NRK: variants seen among roughly 807,000 people sequenced by gnomAD.
NRK encodes Nik related kinase, also known as nik-related protein kinase.
Under a neutral mutation model 125.2 loss-of-function variants are expected in NRK, and 67 were observed. That is an observed-to-expected ratio of 0.54 (90% CI 0.44 to 0.66). NRK has a LOEUF of 0.66. Ranked by LOEUF, NRK falls within the 30% of genes least tolerant of loss-of-function variation. The pLI is 0.00. For synonymous variants in NRK, 458 were observed against 429.0 expected (o/e 1.07, Z -0.84); for missense variants, 1,224 against 1,192.9 (o/e 1.03, Z -0.38).
At chrX:105,871,485 A>AACACAC (rs112464085) in intron 2 of NRK, among the ~76,000 whole-genome samples, 5 of 104,685 alleles carry the variant, frequency 4.8e-5, no homozygotes, top group African/African-American at 1.8e-4. Context: ...ACACCCCACC[A>AACACAC]ACACACACAC....
At chrX:105,860,645 C>T (rs1326249175) in intron 2 of NRK, among the ~76,000 whole-genome samples, 3 of 110,398 alleles carry the variant, frequency 2.7e-5, no homozygotes. Flanking sequence ...TGGAATCATA[C>T]AATGTGTGAC....
At chrX:105,911,313 G>T (rs2040298214) in intron 13 of NRK, among the ~76,000 whole-genome samples, 1 of 111,652 alleles carries the variant, frequency 9.0e-6, no homozygotes, top group Non-Finnish European at 1.9e-5. Context: ...AGAATTATGG[G>T]CTTGATAACA....
chrX:105,865,955 G>A (rs1569296015), intron 2 of NRK, among the ~76,000 whole-genome samples: 1 of 107,362 alleles, frequency 9.3e-6, no homozygotes, highest in Non-Finnish European at 1.9e-5. Context: ...GAGCACTCGA[G>A]GTGGCATAGC....
At position 105,909,430 on chromosome X, in the gene NRK, C is replaced by T; in HGVS notation, c.1789C>T (p.His597Tyr). The T allele has an allele frequency of 8.3e-7, 1 of 1,208,794 alleles. No individual in the cohort carries two copies. Reference sequence around the variant, plus strand: ...TCTGCCCCTGCTATCACAAGATCACCATGTGCTGTTGCCACTACATTTGGA... The same window carrying T: ...TCTGCCCCTGCTATCACAAGATCACTATGTGCTGTTGCCACTACATTTGGA... ...VFLPLLSQDH[H>Y]VLLPLHLDTQ... The change falls in exon 13 of 29, where the codon CAT (histidine) becomes TAT (tyrosine). Residue 597 changes from histidine (H) to tyrosine (Y), a missense_variant. Coordinates refer to ENST00000243300, the MANE Select transcript of NRK (RefSeq NM_198465.4).
At chrX:105,877,511 C>T (rs777524403) in intron 2 of NRK, among the ~76,000 whole-genome samples, 3 of 111,091 alleles carry the variant, frequency 2.7e-5, no homozygotes, top group African/African-American at 9.8e-5. Context: ...ATACAGGAAC[C>T]CCCTGTGCTA....
In NRK at chrX:105,906,593, G is replaced by C. The variant is rs767471271; in HGVS notation, c.1021+4G>C. ...ATTAAAAAAAGACAGAAAAAAGGTA[G>C]AATCTGTTAAGTTTTATTTTACTGA... On this transcript the variant is annotated splice_donor_region_variant and intron_variant, in intron 11 of 28. Coordinates refer to ENST00000243300, the MANE Select transcript of NRK (RefSeq NM_198465.4). 7 of 979,435 alleles carry C rather than the reference G, an allele frequency of 7.1e-6. No homozygotes were observed. In the Admixed American group the frequency reaches 8.7e-5, roughly 12 times the overall value. 80.7% of individuals were successfully genotyped at this position (979,435 alleles called of 1,213,427 possible). A position where few individuals can be genotyped will look rare whatever the true frequency, so the allele number is the denominator to read the frequency against.
At chrX:105,837,282 T>A (rs1175034016) in intron 2 of NRK, among the ~76,000 whole-genome samples, 1 of 111,847 alleles carries the variant, frequency 8.9e-6, no homozygotes, top group Non-Finnish European at 1.9e-5. Context: ...TATATGTGTG[T>A]ATTAGACAGT....
chrX:105,886,824 A>G (rs965332953), intron 4 of NRK, among the ~76,000 whole-genome samples: 3 of 111,015 alleles, frequency 2.7e-5, no homozygotes, highest in Non-Finnish European at 5.7e-5. Flanking sequence ...TCAGCACAGA[A>G]CAAACCAATA....
chrX:105,955,247 C>G lies in NRK; in HGVS notation c.4654-258C>G, dbSNP rs747003565. 3.6e-5 allele frequency among the ~76,000 whole-genome samples: 4 copies of G among 110,970 alleles called. No homozygotes were observed. In the South Asian group the frequency reaches 1.5e-3, roughly 42 times the overall value. ...ATCAAGAACTTCAGCAAATGAAGGCCACCTACGAAATTACTAATTTTATTT... is the reference window on the plus strand; with the variant it reads ...ATCAAGAACTTCAGCAAATGAAGGCGACCTACGAAATTACTAATTTTATTT... On this transcript the variant is annotated intron_variant, in intron 28 of 28. Transcript: ENST00000243300.
intron 1 of NRK, among the ~76,000 whole-genome samples, chrX:105,824,594 AAG>A (rs1349744369): frequency 9.8e-6 from 1 of 102,276 alleles, no homozygotes; most frequent in Non-Finnish European, 2.0e-5. Flanking sequence ...CAAGGAAAAA[AAG>A]AAGAAAAGGT....
At chrX:105,828,028 A>C (rs1370521977) in intron 1 of NRK, among the ~76,000 whole-genome samples, 1 of 112,027 alleles carries the variant, frequency 8.9e-6, no homozygotes, top group African/African-American at 3.2e-5. Flanking sequence ...CCTTCCTTGG[A>C]AACCCAGAAT....
intron 2 of NRK, among the ~76,000 whole-genome samples, chrX:105,840,171 A>C (rs1278095304): frequency 9.0e-6 from 1 of 111,592 alleles, no homozygotes; most frequent in Non-Finnish European, 1.9e-5. Context: ...TGTTATACCA[A>C]AATTTTCTTT....
intron 1 of NRK, among the ~76,000 whole-genome samples, chrX:105,826,241 AATAT>A (rs1297915316): frequency 1.1e-5 from 1 of 87,416 alleles, no homozygotes; most frequent in Non-Finnish European, 2.2e-5. Flanking sequence ...TATCATATAT[AATAT>A]ATATGATAAT....
intron 13 of NRK, 123 bp downstream of exon 13, chrX:105,910,005 T>C (rs1199085430): frequency 6.1e-6 from 3 of 494,117 alleles, no homozygotes; most frequent in East Asian, 3.9e-5. Flanking sequence ...ACAGAAGATA[T>C]ACTAAATAAT....
chrX:105,905,242 A>T (rs1435740164), intron 9 of NRK, 23 bp from the exon 10 acceptor site: 1 of 1,155,261 alleles, frequency 8.7e-7, no homozygotes, highest in African/African-American at 1.8e-5. Context: ...ATTCTTTCTA[A>T]ATTTATCTAT....
chrX:105,828,266 C>A (rs896089765), intron 1 of NRK, among the ~76,000 whole-genome samples: 2 of 111,716 alleles, frequency 1.8e-5, no homozygotes, highest in Admixed American at 9.5e-5. Flanking sequence ...TTAAAATGTT[C>A]TTTTATTAAA....
intron 8 of NRK, 112 bp from the exon 9 acceptor site, chrX:105,900,506 A>G (rs774947753): frequency 2.0e-6 from 1 of 493,542 alleles, no homozygotes; most frequent in Non-Finnish European, 3.5e-6. Flanking sequence ...GGAAACCCAT[A>G]AAAGAGCTCT....
chrX:105,888,985 T>TC (rs1359964475), intron 5 of NRK, among the ~76,000 whole-genome samples: 2 of 111,517 alleles, frequency 1.8e-5, no homozygotes, highest in African/African-American at 6.5e-5. Context: ...AATCATGCCT[T>TC]CCCAGCAGTT....
At chrX:105,889,523 C>T (rs1271100852) in intron 5 of NRK, among the ~76,000 whole-genome samples, 3 of 112,138 alleles carry the variant, frequency 2.7e-5, no homozygotes, top group South Asian at 3.7e-4. Context: ...GCTTCAACCC[C>T]GCATTTCCCT....
Sources: allele counts gnomAD v4.1 joint callset (sites outside exome capture counted in the v4.1 genomes callset), GRCh38; gene constraint gnomAD v4.1.1; transcripts MANE v1.5; gene names NCBI Gene and HGNC (gene_info 2026-07-23, HGNC 2026-07-21).